The following PFKFB4 variants were observed in gnomAD, a reference collection of about 807,000 sequenced individuals.
PFKFB4 encodes the protein 6-phosphofructo-2-kinase/fructose-2,6-bisphosphatase 4.
Under a neutral mutation model 62.8 loss-of-function variants are expected in PFKFB4, and 42 were observed. The observed-to-expected ratio is 0.67, with a 90% CI of 0.52 to 0.86. The LOEUF (loss-of-function observed/expected upper bound fraction) is 0.86. Ranked by LOEUF, PFKFB4 falls within the 40% of genes least tolerant of loss-of-function variation. The probability of loss-of-function intolerance (pLI) is 0.00; values close to 1 mark genes in which losing one functional copy is unlikely to be tolerated. For synonymous variants in PFKFB4, 204 were observed against 240.7 expected (o/e 0.85, Z 1.41); for missense variants, 475 against 627.2 (o/e 0.76, Z 2.59).
intron 3 of PFKFB4, 29 bp from the exon 4 acceptor site, chr3:48,543,675 C>T (rs754636614): frequency 1.3e-6 from 2 of 1,588,384 alleles, no homozygotes; most frequent in South Asian, 1.1e-5. Flanking sequence ...AGGGTCAGCC[C>T]AGCACCCGAC....
At chr3:48,540,215 C>T (rs926174424) in intron 4 of PFKFB4, among the ~76,000 whole-genome samples, 2 of 152,170 alleles carry the variant, frequency 1.3e-5, no homozygotes, top group Non-Finnish European at 2.9e-5. Context: ...AAAGAGATGA[C>T]AGGAGAAAAA....
At chr3:48,519,885 T>A in intron 13 of PFKFB4, 79 bp from the exon 14 acceptor site, 1 of 1,152,888 alleles carries the variant, frequency 8.7e-7, no homozygotes, top group Non-Finnish European at 1.3e-6. Context: ...CTCATCACTG[T>A]GGTTCATCAG....
chr3:48,541,510 G>C (rs2042798772), intron 4 of PFKFB4, among the ~76,000 whole-genome samples: 1 of 151,256 alleles, frequency 6.6e-6, no homozygotes, highest in African/African-American at 2.4e-5. Context: ...GGCTCAAGCA[G>C]TCCTCCTGCC....
chr3:48,520,642 C>T (rs2042069891), intron 13 of PFKFB4, among the ~76,000 whole-genome samples: 1 of 152,238 alleles, frequency 6.6e-6, no homozygotes, highest in South Asian at 2.1e-4. Context: ...ATAATTCTTA[C>T]TGCTGGGCAG....
upstream of PFKFB4, chr3:48,562,608 T>A: frequency 1.5e-6 from 1 of 647,366 alleles, no homozygotes; most frequent in Non-Finnish European, 2.6e-6. The surrounding 1 kb of genome is among the most constrained non-coding windows in gnomAD (Gnocchi z 4.3). Context: ...GGCACTCAGA[T>A]CTGATATGAC....
upstream of PFKFB4, chr3:48,557,067 C>A (rs2043346876): frequency 1.1e-6 from 1 of 944,404 alleles, no homozygotes. Flanking sequence ...TTGTACTGGT[C>A]CCGCCCCAGT....
chr3:48,543,586 A>G lies in PFKFB4; in HGVS notation c.372T>C (p.His124=). The change falls in exon 4 of 14, where the codon CAT becomes CAC. Residue 124 remains histidine, a synonymous_variant. Transcript: ENST00000232375. ...VRRFLSEEGG[H]VAVFDATNTT... The stretch of plus-strand genomic sequence containing the variant: ...ACCAGGGTGTCACACTCACCGCCAC[A>G]TGTCCCCCCTCCTCACTAAGGAACC... The G allele has an allele frequency of 6.2e-7, 1 of 1,609,132 alleles. No individual in the cohort carries two copies. Among genetic ancestry groups the G allele is most frequent in the Non-Finnish European group, 8.5e-7 (1 of 1,178,182 alleles).
At chr3:48,543,228 A>C (rs868070302) in intron 4 of PFKFB4, among the ~76,000 whole-genome samples, 4 of 152,194 alleles carry the variant, frequency 2.6e-5, no homozygotes, top group South Asian at 4.1e-4. Context: ...TTCCTACAAC[A>C]ACCAGTAATG....
Position 48,538,570 on chromosome 3 carries a change from G to C in PFKFB4, c.560C>G (p.Ala187Gly), listed in dbSNP as rs1458682166. The C allele has an allele frequency of 6.2e-7, 1 of 1,614,070 alleles. No homozygotes were observed. Among genetic ancestry groups the C allele is most frequent in the East Asian group, 2.2e-5 (1 of 44,900 alleles). The change falls in exon 7 of 14, where the codon GCT becomes GGT. Residue 187 changes from alanine (A) to glycine (G), a missense_variant. Coordinates refer to ENST00000232375, the MANE Select transcript of PFKFB4 (RefSeq NM_004567.4). ...AATGCGCCTCATGAAGTCCTCCGTA[G>C]CCTCATCACTGTCGCGGTTGACATA... is the stretch of plus-strand genomic sequence containing the variant. ...PDYVNRDSDE[A>G]TEDFMRRIEC...
chr3:48,562,814 C>T (rs374482474), upstream of PFKFB4: 50 of 1,564,674 alleles, frequency 3.2e-5, no homozygotes, highest in African/African-American at 3.2e-4. The surrounding 1 kb of genome is among the most constrained non-coding windows in gnomAD (Gnocchi z 4.3). Flanking sequence ...GGCCAGGATG[C>T]GGGCGTTGGT....
intron 6 of PFKFB4, 72 bp downstream of exon 6, chr3:48,539,182 G>C: frequency 8.4e-7 from 1 of 1,194,210 alleles, no homozygotes; most frequent in Non-Finnish European, 1.2e-6. Flanking sequence ...ATCAAATTAA[G>C]GTTAGCCAAA....
At chr3:48,560,975 C>T, upstream of PFKFB4, 1 of 717,156 alleles carries the variant, frequency 1.4e-6, no homozygotes, top group South Asian at 2.0e-5. Flanking sequence ...AACACTCTCG[C>T]ACCCCTCCAG....
At chr3:48,552,437 G>A (rs2043184744) in intron 1 of PFKFB4, among the ~76,000 whole-genome samples, 1 of 152,260 alleles carries the variant, frequency 6.6e-6, no homozygotes, top group African/African-American at 2.4e-5. Flanking sequence ...GAGCCTCAGG[G>A]GCGGGAAGGA....
chr3:48,538,632 G>A lies in PFKFB4; in HGVS notation c.511-13C>T. 3 of 1,614,148 alleles carry A rather than the reference G, an allele frequency of 1.9e-6. No individual in the cohort carries two copies. Among genetic ancestry groups the A allele is most frequent in the South Asian group, 2.2e-5 (2 of 91,084 alleles). On this transcript the variant is annotated splice_polypyrimidine_tract_variant and intron_variant, in intron 6 of 13. Coordinates refer to ENST00000232375, the MANE Select transcript of PFKFB4 (RefSeq NM_004567.4). ...CCAGTTTCACTTGCTGCCGGAGCCA[G>A]GCACAGAGAAAGGACATATCAGGGT... is the stretch of plus-strand genomic sequence containing the variant.
At chr3:48,560,068 C>G (rs1341305210), upstream of PFKFB4, among the ~76,000 whole-genome samples, 2 of 152,126 alleles carry the variant, frequency 1.3e-5, no homozygotes, top group African/African-American at 4.8e-5. Flanking sequence ...GGGTTTATAG[C>G]CATTAGCCAC....
rs1242859288 is a variant in PFKFB4, at chr3:48,550,216, G to A, written c.116C>T (p.Pro39Leu). 6.2e-7 allele frequency: 1 copy of A among 1,613,644 alleles called. No homozygotes were observed. The highest frequency in any genetic ancestry group is 1.3e-5 in the African/African-American group (1 of 75,034). The change falls in exon 2 of 14, where the codon CCA becomes CTA. Residue 39 changes from proline (P) to leucine (L), a missense_variant. Pro to Leu is a moderately conservative substitution (Grantham distance 98, BLOSUM62 -3). Coordinates refer to ENST00000232375, the MANE Select transcript of PFKFB4 (RefSeq NM_004567.4). ...CAGGCCCACCATGACAATGAGAGTT[G>A]GGCAGTTGGTCATGCACACTAAAAG... Reference protein sequence around the residue: ...CQRGVCMTNCPTLIVMVGLPA... With the variant: ...CQRGVCMTNCLTLIVMVGLPA...
intron 9 of PFKFB4, among the ~76,000 whole-genome samples, chr3:48,526,433 C>T (rs2042260642): frequency 6.6e-6 from 1 of 151,340 alleles, no homozygotes; most frequent in Admixed American, 6.6e-5. Flanking sequence ...ATTAGTTGGG[C>T]GTGGTGGCGC....
chr3:48,556,702 G>A lies in PFKFB4; in HGVS notation c.76C>T (p.Leu26=), dbSNP rs761978499. ...WMPYSNGRPA[L]HACQRGVCMT... ...TCACCACCGCGCTGGCAAGCGTGCAGAGCGGGCCGCCCATTGCTGTATGGC... is the reference window on the plus strand; with the variant it reads ...TCACCACCGCGCTGGCAAGCGTGCAAAGCGGGCCGCCCATTGCTGTATGGC... Residue 26 remains leucine (L), a synonymous_variant, in exon 1 of 14, where the codon CTG becomes TTG. Coordinates refer to ENST00000232375, the MANE Select transcript of PFKFB4 (RefSeq NM_004567.4). This position sits in a 1 kb window ranked among gnomAD's most constrained non-coding sequence, Gnocchi z 5.7. 2.5e-6 allele frequency: 4 copies of A among 1,609,142 alleles called. No individual in the cohort carries two copies. The Admixed American group carries it at 6.7e-5, about 27-fold the overall frequency.
At chr3:48,561,785 G>C (rs2107619809), upstream of PFKFB4, 1 of 146,926 alleles carries the variant, frequency 6.8e-6, no homozygotes, top group Middle Eastern at 3.4e-3. The surrounding 1 kb of genome is among the most constrained non-coding windows in gnomAD (Gnocchi z 5.2). Flanking sequence ...CTCCATGTCT[G>C]CTATATACAC....
Sources: gnomAD v4.1 joint callset for allele counts (sites outside exome capture counted in the v4.1 genomes callset) on GRCh38, gnomAD v4.1.1 for gene constraint, Gnocchi (gnomAD v3.1) non-coding constraint, MANE v1.5 for transcripts, NCBI Gene and HGNC (gene_info 2026-07-23, HGNC 2026-07-21) for gene names.